The following AKAP13 variants were observed in gnomAD, a reference collection of about 807,000 sequenced individuals.
The protein encoded by AKAP13 is A-kinase anchoring protein 13, also known as A-kinase anchor protein 13.
A neutral mutation model predicts 264.5 loss-of-function variants in AKAP13; 80 were observed. That is an observed-to-expected ratio of 0.30 (90% CI 0.25 to 0.36). AKAP13 has a LOEUF of 0.36. AKAP13 is among the 10% of genes least tolerant of loss of function. The probability of loss-of-function intolerance (pLI) is 1.00; values close to 1 mark genes in which losing one functional copy is unlikely to be tolerated. For synonymous variants in AKAP13, 1,380 were observed against 1,250.2 expected (o/e 1.10, Z -2.19); for missense variants, 3,712 against 3,435.2 (o/e 1.08, Z -2.01).
At chr15:85,713,307 T>A (rs770401584) in intron 19 of AKAP13, among the ~76,000 whole-genome samples, 6 of 152,192 alleles carry the variant, frequency 3.9e-5, no homozygotes, top group African/African-American at 7.2e-5. Context: ...TGCTTCATCT[T>A]CTACTCTGTG....
At chr15:85,611,995 C>A (rs1485797774) in intron 8 of AKAP13, among the ~76,000 whole-genome samples, 1 of 152,158 alleles carries the variant, frequency 6.6e-6, no homozygotes, top group Non-Finnish European at 1.5e-5. Context: ...TATTTAATAT[C>A]CATTTTGTTC....
At chr15:85,638,817 C>T (rs930850366) in intron 8 of AKAP13, among the ~76,000 whole-genome samples, 37 of 151,786 alleles carry the variant, frequency 2.4e-4, no homozygotes, top group Middle Eastern at 3.4e-3. Flanking sequence ...AGTGCAGTGG[C>T]GCGATCTCTG....
chr15:85,503,064 A>G (rs889999144), intron 2 of AKAP13, among the ~76,000 whole-genome samples: 9 of 152,174 alleles, frequency 5.9e-5, no homozygotes, highest in African/African-American at 2.2e-4. Flanking sequence ...TACCTAGTGT[A>G]TGCTACGTAC....
chr15:85,671,457 AAG>A (rs1253445942), intron 14 of AKAP13, among the ~76,000 whole-genome samples: 77 of 129,174 alleles, frequency 6.0e-4, no homozygotes, highest in African/African-American at 2.2e-3. Flanking sequence ...AAAAAAAAAA[AAG>A]AGAGAGAGAG....
At chr15:85,686,031 G>A (rs2084891322) in intron 16 of AKAP13, among the ~76,000 whole-genome samples, 1 of 152,234 alleles carries the variant, frequency 6.6e-6, no homozygotes, top group Middle Eastern at 3.4e-3. Flanking sequence ...AGTCCGTGGG[G>A]AAAAACTTTT....
intron 2 of AKAP13, among the ~76,000 whole-genome samples, chr15:85,486,699 T>TTGA (rs980092994): frequency 6.6e-6 from 1 of 151,990 alleles, no homozygotes; most frequent in African/African-American, 2.4e-5. Flanking sequence ...TTTATTCATT[T>TTGA]TGATGGTATT....
chr15:85,595,073 G>A (rs1461260851), intron 8 of AKAP13, among the ~76,000 whole-genome samples: 1 of 151,960 alleles, frequency 6.6e-6, no homozygotes, highest in Non-Finnish European at 1.5e-5. Flanking sequence ...ACAAATTATT[G>A]CATCAAATTT....
rs143794434 is a variant in AKAP13, at chr15:85,460,198, C to T, written c.-11-25512C>T. Among the ~76,000 whole-genome samples, 1,117 of 152,250 alleles carry T rather than the reference C, an allele frequency of 7.3e-3. 22 individuals are homozygous for T. Among genetic ancestry groups the T allele is most frequent in the African/African-American group, 0.025 (1,056 of 41,530 alleles). ...TAATTGTTTCTTTTTATCTTTCTGG[C>T]GTTTTCTCCTGCTCCTATCACACAC... is the stretch of plus-strand genomic sequence containing the variant. On this transcript the variant is annotated intron_variant, in intron 1 of 36. Coordinates refer to ENST00000394518, the MANE Select transcript of AKAP13 (RefSeq NM_007200.5).
At chr15:85,630,408 TA>T (rs952003215) in intron 8 of AKAP13, among the ~76,000 whole-genome samples, 93 of 152,340 alleles carry the variant, frequency 6.1e-4, no homozygotes, top group African/African-American at 2.2e-3. Context: ...TTCCCATCTC[TA>T]TTAATTACAG....
At chr15:85,390,946 A>G (rs1362808287) in intron 1 of AKAP13, among the ~76,000 whole-genome samples, 2 of 152,196 alleles carry the variant, frequency 1.3e-5, no homozygotes, top group Non-Finnish European at 2.9e-5. Context: ...GGTATCAGTA[A>G]GCATTTGGAT....
rs145947119 is a variant in AKAP13, at chr15:85,532,839, A to C, written c.182-745A>C. On this transcript the variant is annotated intron_variant, in intron 3 of 36. Transcript: ENST00000394518. Reference sequence around the variant, plus strand: ...AATCATCACTCCTGAGGTGCCTGCCAGTCTGTACACTGGGCACCATGGAGT... The same window carrying C: ...AATCATCACTCCTGAGGTGCCTGCCCGTCTGTACACTGGGCACCATGGAGT... Among the ~76,000 whole-genome samples the C allele has an allele frequency of 7.2e-3, 1,095 of 152,304 alleles. 7 individuals are homozygous for C. The highest frequency in any genetic ancestry group is 0.014 in the Middle Eastern group (4 of 294).
intron 25 of AKAP13, among the ~76,000 whole-genome samples, chr15:85,722,788 C>T (rs1161012291): frequency 6.6e-6 from 1 of 152,038 alleles, no homozygotes; most frequent in Non-Finnish European, 1.5e-5. Flanking sequence ...AACTTGGTTG[C>T]TCTTCCTGCT....
intron 1 of AKAP13, among the ~76,000 whole-genome samples, chr15:85,393,940 C>G (rs1261960992): frequency 6.6e-6 from 1 of 152,166 alleles, no homozygotes; most frequent in Non-Finnish European, 1.5e-5. Flanking sequence ...TAAAAACATG[C>G]TAGGCTTCCA....
At chr15:85,387,852 A>G (rs1283120797) in intron 1 of AKAP13, among the ~76,000 whole-genome samples, 2 of 152,082 alleles carry the variant, frequency 1.3e-5, no homozygotes, top group Admixed American at 6.6e-5. Context: ...CCAGTTGCTC[A>G]TTGCTGGTAT....
intron 16 of AKAP13, chr15:85,685,359 C>G (rs1363663898): frequency 6.6e-6 from 1 of 152,280 alleles, no homozygotes; most frequent in Non-Finnish European, 1.5e-5. Flanking sequence ...CAGAAGATTA[C>G]AAGAACTTTT....
intron 17 of AKAP13, chr15:85,701,244 G>A (rs1055622754): frequency 6.6e-6 from 1 of 152,082 alleles, no homozygotes; most frequent in African/African-American, 2.4e-5. Flanking sequence ...ATTTCATGAA[G>A]TCCAGTGTGT....
At chr15:85,734,971 T>C in intron 30 of AKAP13, 21 bp from the exon 31 acceptor site, 2 of 1,610,000 alleles carry the variant, frequency 1.2e-6, no homozygotes, top group Non-Finnish European at 1.7e-6. Flanking sequence ...ATGTCAGCTT[T>C]GCATGTTTCC....
chr15:85,438,655 A>G (rs1231855360), intron 1 of AKAP13, among the ~76,000 whole-genome samples: 1 of 150,072 alleles, frequency 6.7e-6, no homozygotes, highest in Non-Finnish European at 1.5e-5. Context: ...GCCCTCAGAA[A>G]TAACGCCGCA....
At chr15:85,452,234 T>A (rs1162403395) in intron 1 of AKAP13, among the ~76,000 whole-genome samples, 22 of 139,972 alleles carry the variant, frequency 1.6e-4, no homozygotes, top group South Asian at 4.4e-4. Flanking sequence ...TTTTTTTTTT[T>A]AAATACTGGT....
Sources: allele counts gnomAD v4.1 joint callset (sites outside exome capture counted in the v4.1 genomes callset), GRCh38; gene constraint gnomAD v4.1.1; transcripts MANE v1.5; gene names NCBI Gene and HGNC (gene_info 2026-07-23, HGNC 2026-07-21).